Variants in CYP7B1 observed in about 807,000 individuals in gnomAD.
CYP7B1 encodes the protein cytochrome P450 family 7 subfamily B member 1, also known as cytochrome P450 7B1.
CYP7B1 carries 29 observed loss-of-function variants against 42.7 expected under a neutral mutation model. The ratio of observed to expected loss-of-function variants is 0.68; its 90% CI spans 0.51 to 0.93. The LOEUF (loss-of-function observed/expected upper bound fraction) is 0.93, where lower values mean the gene tolerates loss of function less well. CYP7B1 is among the 40% of genes least tolerant of loss of function. The pLI, the probability that CYP7B1 is intolerant of heterozygous loss-of-function variation, is 0.00. For synonymous variants in CYP7B1, 235 were observed against 218.2 expected, an observed-to-expected ratio of 1.08 and a Z score of -0.68; for missense variants, 655 against 600.5, an observed-to-expected ratio of 1.09 and a Z score of -0.95.
intron 1 of CYP7B1, among the ~76,000 whole-genome samples, chr8:64,716,526 G>A (rs1168149659): frequency 7.2e-5 from 11 of 152,026 alleles, no homozygotes; most frequent in African/African-American, 2.4e-4. Flanking sequence ...GGCCAACATG[G>A]TGAAACCCCA....
chr8:64,756,681 T>C (rs1807813071), intron 1 of CYP7B1, among the ~76,000 whole-genome samples: 1 of 152,198 alleles, frequency 6.6e-6, no homozygotes, highest in Non-Finnish European at 1.5e-5. Context: ...AGCCTCTGCA[T>C]CATAAAATTT....
At chr8:64,673,035 T>C (rs1806389739) in intron 1 of CYP7B1, among the ~76,000 whole-genome samples, 1 of 151,978 alleles carries the variant, frequency 6.6e-6, no homozygotes, top group Admixed American at 6.6e-5. Context: ...AAAAAGCAAA[T>C]GACATACACA....
At chr8:64,652,930 A>C (rs1245549440) in intron 1 of CYP7B1, among the ~76,000 whole-genome samples, 1 of 152,212 alleles carries the variant, frequency 6.6e-6, no homozygotes, top group African/African-American at 2.4e-5. Flanking sequence ...AGTCAGACAT[A>C]AAGAAGTTCT....
At chr8:64,726,794 C>T (rs1325104959) in intron 1 of CYP7B1, among the ~76,000 whole-genome samples, 1 of 152,164 alleles carries the variant, frequency 6.6e-6, no homozygotes, top group Non-Finnish European at 1.5e-5. Flanking sequence ...GAATCTCCTT[C>T]CCATTCCTTC....
At chr8:64,754,712 TG>T (rs992343904) in intron 1 of CYP7B1, among the ~76,000 whole-genome samples, 4 of 152,130 alleles carry the variant, frequency 2.6e-5, no homozygotes, top group African/African-American at 9.7e-5. Context: ...ACAAAGGCCT[TG>T]ACAGTAGTCT....
chr8:64,788,366 A>C (rs1465674995), intron 1 of CYP7B1, among the ~76,000 whole-genome samples: 1 of 152,210 alleles, frequency 6.6e-6, no homozygotes, highest in Non-Finnish European at 1.5e-5. Context: ...TGAGAAAAAA[A>C]TATCACTTCA....
At chr8:64,795,367 C>T (rs1056076448) in intron 1 of CYP7B1, among the ~76,000 whole-genome samples, 5 of 152,206 alleles carry the variant, frequency 3.3e-5, no homozygotes, top group African/African-American at 9.7e-5. Flanking sequence ...AGGAGAGTGG[C>T]CCAGGCCCTC....
At chr8:64,681,862 T>C (rs1355327046) in intron 1 of CYP7B1, among the ~76,000 whole-genome samples, 1 of 152,156 alleles carries the variant, frequency 6.6e-6, no homozygotes, top group South Asian at 2.1e-4. Flanking sequence ...TGTTTGTTGT[T>C]TCAAGATGCT....
intron 1 of CYP7B1, among the ~76,000 whole-genome samples, chr8:64,719,855 C>A (rs942861665): frequency 1.3e-5 from 2 of 152,184 alleles, no homozygotes; most frequent in African/African-American, 4.8e-5. Flanking sequence ...AGATGAAAGG[C>A]ACATTACCCA....
chr8:64,750,488 T>C (rs1807710865), intron 1 of CYP7B1, among the ~76,000 whole-genome samples: 1 of 152,250 alleles, frequency 6.6e-6, no homozygotes, highest in South Asian at 2.1e-4. Flanking sequence ...GCAAAGAAGA[T>C]ATTGGTTCCA....
chr8:64,716,840 G>A (rs1289169457), intron 1 of CYP7B1, among the ~76,000 whole-genome samples: 1 of 152,196 alleles, frequency 6.6e-6, no homozygotes, highest in Non-Finnish European at 1.5e-5. Flanking sequence ...TAAGGTGGTT[G>A]ATAGTATGGT....
chr8:64,675,924 A>AG (rs1303177355), intron 1 of CYP7B1, among the ~76,000 whole-genome samples: 5 of 152,232 alleles, frequency 3.3e-5, no homozygotes, highest in Non-Finnish European at 7.4e-5. Flanking sequence ...ATACACCCCC[A>AG]GGGGGGTCTC....
intron 1 of CYP7B1, among the ~76,000 whole-genome samples, chr8:64,781,600 A>G (rs1210275319): frequency 1.3e-5 from 2 of 152,182 alleles, no homozygotes; most frequent in East Asian, 1.9e-4. Context: ...CTCAAATCAT[A>G]TAACTCTGAC....
At chr8:64,705,443 G>A (rs1450816210) in intron 1 of CYP7B1, among the ~76,000 whole-genome samples, 1 of 151,590 alleles carries the variant, frequency 6.6e-6, no homozygotes, top group Non-Finnish European at 1.5e-5. Flanking sequence ...ATGAGTGAAT[G>A]AATGGTATTC....
rs954533310 is a variant in CYP7B1 at position 64,593,877 on chromosome 8, T to C, written c.*2765A>G. The stretch of plus-strand genomic sequence containing the variant: ...AAGATATTATAAAAAATAAGCAGCA[T>C]ATATGAAGAACAAAAGGGAATCGTA... On this transcript the variant is annotated 3_prime_UTR_variant, in exon 6 of 6. Transcript: ENST00000310193. Among the ~76,000 whole-genome samples, 1 of 152,122 alleles carries C rather than the reference T, an allele frequency of 6.6e-6. No homozygotes were observed. Among genetic ancestry groups the C allele is most frequent in the African/African-American group, 2.4e-5 (1 of 41,434 alleles).
intron 1 of CYP7B1, among the ~76,000 whole-genome samples, chr8:64,776,809 C>A (rs886500560): frequency 6.6e-6 from 1 of 152,030 alleles, no homozygotes; most frequent in Non-Finnish European, 1.5e-5. Context: ...CTCCCTACAC[C>A]CAGAGGAAAG....
At chr8:64,617,915 TC>T (rs755624286) in intron 2 of CYP7B1, among the ~76,000 whole-genome samples, 7 of 151,004 alleles carry the variant, frequency 4.6e-5, no homozygotes, top group Non-Finnish European at 8.9e-5. Context: ...TGATTTATTT[TC>T]TAAAAATGAC....
At chr8:64,611,736 G>C (rs1484844920) in intron 4 of CYP7B1, among the ~76,000 whole-genome samples, 1 of 152,016 alleles carries the variant, frequency 6.6e-6, no homozygotes, top group Non-Finnish European at 1.5e-5. Flanking sequence ...ACAACATTAG[G>C]TGTCTACAAT....
intron 1 of CYP7B1, among the ~76,000 whole-genome samples, chr8:64,667,965 C>A (rs948841091): frequency 2.0e-5 from 3 of 152,172 alleles, no homozygotes; most frequent in Non-Finnish European, 2.9e-5. Flanking sequence ...CTATCAAATT[C>A]TCTGTACAAC....
Sources: allele counts gnomAD v4.1 joint callset (sites outside exome capture counted in the v4.1 genomes callset), GRCh38; gene constraint gnomAD v4.1.1; transcripts MANE v1.5; gene names NCBI Gene and HGNC (gene_info 2026-07-23, HGNC 2026-07-21).